Variants in GCNT2 observed in about 807,000 individuals in gnomAD.
GCNT2 encodes the protein glucosaminyl (N-acetyl) transferase 2 (I blood group).
GCNT2 carries 34 observed loss-of-function variants against 34.2 expected under a neutral mutation model. That is an observed-to-expected ratio of 1.00 (90% CI 0.76 to 1.32). The LOEUF is 1.32. Among genes scored for constraint, GCNT2 ranks in the 40% most tolerant of loss-of-function variants. GCNT2 has a pLI of 0.00. For missense variants in GCNT2, 584 were observed against 489.4 expected, an observed-to-expected ratio of 1.19 and a Z score of -1.82; for synonymous variants, 212 against 188.0, an observed-to-expected ratio of 1.13 and a Z score of -1.04.
intron 3 of GCNT2, among the ~76,000 whole-genome samples, chr6:10,534,359 C>T (rs976227602): frequency 7.2e-5 from 11 of 151,936 alleles, no homozygotes; most frequent in African/African-American, 2.7e-4. Context: ...CCAGGCTAGT[C>T]TTCTGACCTC....
chr6:10,542,890 A>ATTTTTT (rs1554127845), intron 3 of GCNT2, among the ~76,000 whole-genome samples: 2 of 107,508 alleles, frequency 1.9e-5, no homozygotes, highest in African/African-American at 9.0e-5. Context: ...CCCTATGTTA[A>ATTTTTT]TTCTTTTTTT....
rs548321203 is a variant in GCNT2 at position 10,528,267 on chromosome 6, A to T, written c.-281-364A>T. ...CCAGTCATATGCCATGTCGTATAGC[A>T]TACCCAGCCAATGGGGAGAGCGAGG... On this transcript the variant is annotated intron_variant, in intron 2 of 4. Coordinates refer to ENST00000495262, the MANE Select transcript of GCNT2 (RefSeq NM_145649.5). The T allele has an allele frequency of 7.0e-5, 11 of 157,028 alleles. No homozygotes were observed. In the East Asian group the frequency reaches 1.9e-3, roughly 27 times the overall value. The allele number at this position is 157,028 out of a possible 1,614,324, so 9.7% of individuals were successfully genotyped here. A position where few individuals can be genotyped will look rare whatever the true frequency, so the allele number is the denominator to read the frequency against.
intron 3 of GCNT2, among the ~76,000 whole-genome samples, chr6:10,605,094 C>T (rs1404149515): frequency 6.6e-6 from 1 of 151,544 alleles, no homozygotes; most frequent in East Asian, 1.9e-4. Context: ...TGCAGTGATC[C>T]ATGATTGCGC....
chr6:10,620,609 G>A (rs1352576920), intron 3 of GCNT2, among the ~76,000 whole-genome samples: 1 of 151,978 alleles, frequency 6.6e-6, no homozygotes, highest in Non-Finnish European at 1.5e-5. Flanking sequence ...GTTTCATTAG[G>A]TTGCCCAGGG....
intron 1 of GCNT2, among the ~76,000 whole-genome samples, chr6:10,526,007 C>T (rs187413286): frequency 5.3e-4 from 80 of 152,280 alleles, no homozygotes; most frequent in African/African-American, 1.8e-3. Context: ...AAGCATAATT[C>T]AGCATTGACA....
chr6:10,611,163 T>C (rs774782487), intron 3 of GCNT2, among the ~76,000 whole-genome samples: 4 of 151,824 alleles, frequency 2.6e-5, no homozygotes, highest in Non-Finnish European at 4.4e-5. Context: ...GGTGGGAGGA[T>C]TGCTTGAGTC....
chr6:10,618,137 C>T (rs1386058177), intron 3 of GCNT2, among the ~76,000 whole-genome samples: 1 of 152,166 alleles, frequency 6.6e-6, no homozygotes, highest in Non-Finnish European at 1.5e-5. Flanking sequence ...AGGCTTTGTG[C>T]CCACTCCTGC....
intron 3 of GCNT2, among the ~76,000 whole-genome samples, chr6:10,531,335 T>C (rs184582671): frequency 6.6e-6 from 1 of 152,334 alleles, no homozygotes; most frequent in African/African-American, 2.4e-5. Context: ...TAAGAATTCA[T>C]ATTTGCAGTT....
At chr6:10,580,560 A>T (rs1182723158) in intron 3 of GCNT2, among the ~76,000 whole-genome samples, 1 of 152,010 alleles carries the variant, frequency 6.6e-6, no homozygotes, top group Non-Finnish European at 1.5e-5. Flanking sequence ...TTAGACACAG[A>T]TGAAGATGGA....
intron 3 of GCNT2, among the ~76,000 whole-genome samples, chr6:10,560,766 T>C (rs1335562758): frequency 6.6e-6 from 1 of 152,140 alleles, no homozygotes; most frequent in Non-Finnish European, 1.5e-5. Context: ...GCCTTTCTAC[T>C]GAGAGTGACT....
At chr6:10,620,055 T>C (rs958078524) in intron 3 of GCNT2, among the ~76,000 whole-genome samples, 4 of 152,222 alleles carry the variant, frequency 2.6e-5, no homozygotes, top group Non-Finnish European at 5.9e-5. Flanking sequence ...CTCCCTATTT[T>C]AAGGTCAGCT....
intron 3 of GCNT2, among the ~76,000 whole-genome samples, chr6:10,585,032 AGTGTGTGTGTGTGTGTGTGTGT>A (rs57538079): frequency 1.3e-4 from 16 of 127,482 alleles, no homozygotes; most frequent in Non-Finnish European, 2.3e-4. Context: ...TCCCATAGTC[AGTGTGTGTGTGTGTGTGTGTGT>A]GTGTGTGTGT....
chr6:10,611,371 G>GC (rs1765547326), intron 3 of GCNT2, among the ~76,000 whole-genome samples: 1 of 131,042 alleles, frequency 7.6e-6, no homozygotes, highest in Non-Finnish European at 1.6e-5. Flanking sequence ...TCGCTCTATT[G>GC]GCAGGCTGGA....
At chr6:10,546,903 T>C (rs1762298467) in intron 3 of GCNT2, among the ~76,000 whole-genome samples, 1 of 152,310 alleles carries the variant, frequency 6.6e-6, no homozygotes, top group African/African-American at 2.4e-5. Context: ...ATGTTGGTAA[T>C]CTATGGCACA....
chr6:10,626,388 G>T lies in GCNT2; in HGVS notation c.1019-29G>T, dbSNP rs1049609087. 3.9e-6 allele frequency: 6 copies of T among 1,538,492 alleles called. No individual in the cohort carries two copies. In the South Asian group the frequency reaches 4.5e-5, roughly 11 times the overall value. ...ACCCTTTTGAAAGCAAGCATGTTTTGACTCTGTTTCTTGTTCTTTCTTTTG... is the reference window on the plus strand; with the variant it reads ...ACCCTTTTGAAAGCAAGCATGTTTTTACTCTGTTTCTTGTTCTTTCTTTTG... On this transcript the variant is annotated intron_variant, in intron 4 of 4. Transcript: ENST00000495262.
intron 3 of GCNT2, among the ~76,000 whole-genome samples, chr6:10,549,885 C>G (rs981478581): frequency 6.6e-6 from 1 of 151,942 alleles, no homozygotes; most frequent in Non-Finnish European, 1.5e-5. Context: ...TGACTTGTAA[C>G]CAAGGTTTCT....
At chr6:10,523,711 G>A (rs1276586162) in intron 1 of GCNT2, among the ~76,000 whole-genome samples, 1 of 152,090 alleles carries the variant, frequency 6.6e-6, no homozygotes, top group Admixed American at 6.6e-5. Context: ...TGTGGCTCAT[G>A]CCTGTAATCC....
intron 3 of GCNT2, among the ~76,000 whole-genome samples, chr6:10,535,431 C>A (rs1003552488): frequency 3.3e-5 from 5 of 152,226 alleles, no homozygotes; most frequent in African/African-American, 4.8e-5. Flanking sequence ...TGGTCCACAA[C>A]AAGATGGCAT....
chr6:10,560,254 A>G (rs941576554), intron 3 of GCNT2, among the ~76,000 whole-genome samples: 2 of 151,704 alleles, frequency 1.3e-5, no homozygotes, highest in African/African-American at 4.8e-5. Flanking sequence ...ACGCCCGGTT[A>G]ATTTTTTTGT....
Sources: allele counts gnomAD v4.1 joint callset (sites outside exome capture counted in the v4.1 genomes callset), GRCh38; gene constraint gnomAD v4.1.1; transcripts MANE v1.5; gene names NCBI Gene and HGNC (gene_info 2026-07-23, HGNC 2026-07-21).